Variants in NAALADL2 observed in about 807,000 individuals in gnomAD.
NAALADL2 encodes the protein N-acetylated alpha-linked acidic dipeptidase like 2.
A neutral mutation model predicts 87.2 loss-of-function variants in NAALADL2; 76 were observed. The ratio of observed to expected loss-of-function variants is 0.87; its 90% CI spans 0.72 to 1.05. The LOEUF (loss-of-function observed/expected upper bound fraction) is 1.05, where lower values mean the gene tolerates loss of function less well. NAALADL2 is among the 50% of genes least tolerant of loss of function. The pLI is 0.00. For missense variants in NAALADL2, 1,089 were observed against 945.8 expected (o/e 1.15, Z -1.99); for synonymous variants, 354 against 331.0 (o/e 1.07, Z -0.75).
intron 1 of NAALADL2, among the ~76,000 whole-genome samples, chr3:174,476,316 G>A (rs1177360201): frequency 6.6e-6 from 1 of 151,488 alleles, no homozygotes; most frequent in East Asian, 1.9e-4. Flanking sequence ...GTGTTTGCAG[G>A]GGAGAGGAAT....
intron 11 of NAALADL2, among the ~76,000 whole-genome samples, chr3:175,708,046 G>A (rs538466981): frequency 4.6e-5 from 7 of 152,148 alleles, no homozygotes; most frequent in Non-Finnish European, 8.8e-5. Flanking sequence ...TTCAGGCAAA[G>A]GCAATGCTAT....
chr3:175,286,356 C>G (rs140409109), intron 4 of NAALADL2, among the ~76,000 whole-genome samples: 9 of 152,174 alleles, frequency 5.9e-5, no homozygotes, highest in Admixed American at 1.3e-4. Flanking sequence ...TGATGGGCCA[C>G]GATGGGCAGA....
intron 1 of NAALADL2, among the ~76,000 whole-genome samples, chr3:174,550,224 T>C (rs1206660402): frequency 1.3e-5 from 2 of 151,968 alleles, no homozygotes; most frequent in Non-Finnish European, 2.9e-5. Flanking sequence ...GAAGATTTTT[T>C]CCAAAATAAA....
At chr3:175,568,519 T>G (rs1244529885) in intron 9 of NAALADL2, among the ~76,000 whole-genome samples, 2 of 152,178 alleles carry the variant, frequency 1.3e-5, no homozygotes, top group Non-Finnish European at 2.9e-5. Context: ...ATCAATATAG[T>G]ACATAAAAAG....
At chr3:174,948,881 T>A (rs948208038) in intron 1 of NAALADL2, among the ~76,000 whole-genome samples, 1 of 152,188 alleles carries the variant, frequency 6.6e-6, no homozygotes, top group Admixed American at 6.5e-5. Flanking sequence ...ACTGGGTGAC[T>A]TATAAACAAC....
Position 175,803,903 on chromosome 3 carries a change from AC to A in NAALADL2, c.*704del. ...AACTTACAAGGTGACTAGCTTTGAA[AC>A]CCCTAATTTGCCTCAGTTGATTTTC... On this transcript the variant is annotated 3_prime_UTR_variant, in exon 14 of 14. Coordinates refer to ENST00000454872, the MANE Select transcript of NAALADL2 (RefSeq NM_207015.3). 6.6e-6 allele frequency: 1 copy of A among 152,320 alleles called. No homozygotes were observed. The highest frequency in any genetic ancestry group is 6.6e-5 in the Admixed American group (1 of 15,226). 9.4% of individuals were successfully genotyped at this position (152,320 alleles called of 1,614,324 possible). A position where few individuals can be genotyped will look rare whatever the true frequency, so the allele number is the denominator to read the frequency against.
intron 9 of NAALADL2, among the ~76,000 whole-genome samples, chr3:175,536,282 G>T (rs1734804171): frequency 6.6e-6 from 1 of 152,158 alleles, no homozygotes; most frequent in Non-Finnish European, 1.5e-5. Flanking sequence ...AAATATGTTG[G>T]AATTGAAAGG....
chr3:175,303,013 T>G (rs1372461356), intron 4 of NAALADL2, among the ~76,000 whole-genome samples: 9 of 152,096 alleles, frequency 5.9e-5, no homozygotes, highest in African/African-American at 1.4e-4. Context: ...TAAAAGACAT[T>G]GACAGGTACA....
At position 175,069,441 on chromosome 3, in the gene NAALADL2, G is replaced by A. The variant is rs939744850; in HGVS notation, c.44-27349G>A. Among the ~76,000 whole-genome samples, 1,264 of 149,430 alleles carry A rather than the reference G, an allele frequency of 8.5e-3. 23 individuals are homozygous for A. The highest frequency in any genetic ancestry group is 0.031 in the African/African-American group (1,203 of 39,238). ...CACCATCACTGGCCATCAGAGAAAT[G>A]CAAATCAAAAGCACAATGAGATACC... On this transcript the variant is annotated intron_variant, in intron 1 of 13. Coordinates refer to ENST00000454872, the MANE Select transcript of NAALADL2 (RefSeq NM_207015.3).
intron 3 of NAALADL2, among the ~76,000 whole-genome samples, chr3:174,777,587 T>C (rs1206662783): frequency 6.6e-6 from 1 of 152,096 alleles, no homozygotes; most frequent in African/African-American, 2.4e-5. Context: ...AAAGTCACTT[T>C]CTTAATAATT....
chr3:175,178,806 T>A (rs1736047728), intron 2 of NAALADL2, among the ~76,000 whole-genome samples: 1 of 151,608 alleles, frequency 6.6e-6, no homozygotes, highest in Non-Finnish European at 1.5e-5. Context: ...AAGAAGGAAT[T>A]TGGAAGAGAT....
At chr3:175,707,429 A>G (rs1040187732) in intron 11 of NAALADL2, among the ~76,000 whole-genome samples, 2 of 152,156 alleles carry the variant, frequency 1.3e-5, no homozygotes, top group African/African-American at 4.8e-5. Context: ...GGAGTGGGCT[A>G]GATTTACATG....
At chr3:175,699,422 A>G (rs1398475773) in intron 11 of NAALADL2, among the ~76,000 whole-genome samples, 1 of 152,038 alleles carries the variant, frequency 6.6e-6, no homozygotes, top group Non-Finnish European at 1.5e-5. Context: ...CATACATGAA[A>G]CATGCACTAG....
intron 1 of NAALADL2, among the ~76,000 whole-genome samples, chr3:175,074,389 A>G (rs933002202): frequency 6.6e-6 from 1 of 152,096 alleles, no homozygotes; most frequent in Non-Finnish European, 1.5e-5. Flanking sequence ...AATTTTTAAT[A>G]GCTGGTAAAT....
At chr3:174,543,073 T>C (rs944248505) in intron 1 of NAALADL2, among the ~76,000 whole-genome samples, 2 of 151,954 alleles carry the variant, frequency 1.3e-5, no homozygotes, top group Non-Finnish European at 2.9e-5. Context: ...GTCAGGGAGA[T>C]TGATAGTGCA....
intron 13 of NAALADL2, among the ~76,000 whole-genome samples, chr3:175,790,640 ATAGGCACTTGCAATGCAGATTTTTT>A (rs1291979934): frequency 3.3e-5 from 5 of 152,134 alleles, no homozygotes; most frequent in Admixed American, 3.3e-4. Context: ...GGAGCAAGAA[ATAGGCACTTGCAATGCAGATTTTTT>A]CTGCCTTGTC....
At chr3:175,227,017 A>G (rs1458434493) in intron 2 of NAALADL2, among the ~76,000 whole-genome samples, 3 of 152,130 alleles carry the variant, frequency 2.0e-5, no homozygotes, top group African/African-American at 4.8e-5. Context: ...TTAATACTAT[A>G]TTAGAAATAT....
chr3:175,121,858 C>T (rs1726201798), intron 2 of NAALADL2, among the ~76,000 whole-genome samples: 2 of 151,670 alleles, frequency 1.3e-5, no homozygotes, highest in South Asian at 2.1e-4. Context: ...GAATAGAGGC[C>T]AGTATTTAGG....
intron 3 of NAALADL2, among the ~76,000 whole-genome samples, chr3:174,850,680 C>T (rs1725142287): frequency 2.0e-5 from 3 of 152,100 alleles, no homozygotes; most frequent in African/African-American, 7.2e-5. Flanking sequence ...TGGACTTCAA[C>T]ACACCATTTT....
Sources: allele counts gnomAD v4.1 joint callset (sites outside exome capture counted in the v4.1 genomes callset), GRCh38; gene constraint gnomAD v4.1.1; transcripts MANE v1.5; gene names NCBI Gene and HGNC (gene_info 2026-07-23, HGNC 2026-07-21).